NFATC2: variants seen among roughly 807,000 people sequenced by gnomAD.
The protein encoded by NFATC2 is nuclear factor of activated T cells 2, also known as nuclear factor of activated T-cells, cytoplasmic 2.
Under a neutral mutation model 87.3 loss-of-function variants are expected in NFATC2, and 22 were observed. The observed-to-expected ratio is 0.25, with a 90% CI of 0.18 to 0.36. The LOEUF (loss-of-function observed/expected upper bound fraction) is 0.36. Ranked by LOEUF, NFATC2 falls within the 10% of genes least tolerant of loss-of-function variation. The pLI is 1.00. For missense variants in NFATC2, 1,149 were observed against 1,259.1 expected (o/e 0.91, Z 1.32); for synonymous variants, 565 against 542.2 (o/e 1.04, Z -0.58).
chr20:51,453,816 C>T (rs1986086892), intron 6 of NFATC2, among the ~76,000 whole-genome samples: 1 of 152,158 alleles, frequency 6.6e-6, no homozygotes, highest in South Asian at 2.1e-4. Context: ...ATGATGGCAA[C>T]TTCAATTTGT....
chr20:51,550,592 AAAT>A (rs74175559), intron 1 of NFATC2, among the ~76,000 whole-genome samples: 15 of 151,614 alleles, frequency 9.9e-5, no homozygotes, highest in African/African-American at 1.9e-4. Flanking sequence ...ACTCCATCTC[AAAT>A]AATAATAATA....
intron 9 of NFATC2, among the ~76,000 whole-genome samples, chr20:51,418,951 A>ACCCCCCC (rs138137281): frequency 2.8e-4 from 41 of 145,820 alleles, no homozygotes; most frequent in East Asian, 1.1e-3. Flanking sequence ...GGCGTGAGCC[A>ACCCCCCC]CCCCCACCGC....
intron 10 of NFATC2, among the ~76,000 whole-genome samples, chr20:51,393,922 A>G (rs191627012): frequency 0.012 from 1,751 of 152,208 alleles, 21 homozygotes; most frequent in Non-Finnish European, 0.019. Flanking sequence ...AAGTAGGGAA[A>G]CTTTTCAAAC....
chr20:51,542,633 C>A lies in NFATC2; in HGVS notation c.-134G>T. The A allele has an allele frequency of 8.4e-7, 1 of 1,188,876 alleles. No homozygotes were observed. Among genetic ancestry groups the A allele is most frequent in the South Asian group, 4.1e-5 (1 of 24,236 alleles). The allele number at this position is 1,188,876 out of a possible 1,614,324, so 73.6% of individuals were successfully genotyped here. A position where few individuals can be genotyped will look rare whatever the true frequency, so the allele number is the denominator to read the frequency against. On this transcript the variant is annotated 5_prime_UTR_variant, in exon 1 of 11. Coordinates refer to ENST00000371564, the MANE Select transcript of NFATC2 (RefSeq NM_012340.5). ...TTCCTCGTAGGGACGCACGCCGGGT[C>A]CGGGGACGGCGCGCCTGGCGCAGCG...
chr20:51,550,017 T>C (rs2076920046), intron 1 of NFATC2, among the ~76,000 whole-genome samples: 3 of 152,236 alleles, frequency 2.0e-5, no homozygotes, highest in African/African-American at 7.2e-5. Flanking sequence ...TATCCCAATA[T>C]ACCCATGATA....
At chr20:51,449,014 T>C (rs562437149) in intron 6 of NFATC2, among the ~76,000 whole-genome samples, 1 of 152,172 alleles carries the variant, frequency 6.6e-6, no homozygotes, top group Admixed American at 6.6e-5. Context: ...CTTGCTGGAG[T>C]GGAAACTGCC....
chr20:51,519,590 T>G (rs2146703817), intron 2 of NFATC2, among the ~76,000 whole-genome samples: 1 of 150,142 alleles, frequency 6.7e-6, no homozygotes, highest in East Asian at 2.0e-4. Flanking sequence ...GCTACTGTAC[T>G]CCAGCCTCGG....
chr20:51,489,025 A>G (rs184303430), intron 3 of NFATC2, among the ~76,000 whole-genome samples: 32 of 152,334 alleles, frequency 2.1e-4, no homozygotes, highest in Admixed American at 4.6e-4. Context: ...CCCCGTCTCT[A>G]CTAAACATAC....
At chr20:51,403,623 T>TG (rs1465491997) in intron 9 of NFATC2, among the ~76,000 whole-genome samples, 1 of 152,138 alleles carries the variant, frequency 6.6e-6, no homozygotes, top group Admixed American at 6.5e-5. Context: ...GGTGCAGTCA[T>TG]GAAGGTGGGG....
intron 3 of NFATC2, among the ~76,000 whole-genome samples, chr20:51,491,195 T>G: frequency 6.6e-6 from 1 of 152,176 alleles, no homozygotes; most frequent in East Asian, 1.9e-4. Flanking sequence ...TTTTTAACCT[T>G]TTTTTGCACC....
intron 3 of NFATC2, among the ~76,000 whole-genome samples, chr20:51,498,073 C>T (rs998817573): frequency 1.4e-4 from 22 of 152,184 alleles, no homozygotes; most frequent in African/African-American, 4.1e-4. Context: ...TGGCCTCAAG[C>T]GAGCCCAATT....
chr20:51,463,978 C>T (rs1987410732), intron 5 of NFATC2, among the ~76,000 whole-genome samples: 1 of 147,116 alleles, frequency 6.8e-6, no homozygotes, highest in South Asian at 2.1e-4. Flanking sequence ...ATCCTGGGCT[C>T]TCCAAAAAAA....
chr20:51,540,654 TTTTG>T lies in NFATC2; in HGVS notation c.130+1712_130+1715del, dbSNP rs1323101783. Among the ~76,000 whole-genome samples, 187 of 131,158 alleles carry T rather than the reference TTTTG, an allele frequency of 1.4e-3. 13 individuals carry two copies. Among genetic ancestry groups the T allele is most frequent in the African/African-American group, 5.1e-3 (166 of 32,408 alleles). 86.0% of individuals were successfully genotyped at this position (131,158 alleles called of 152,430 possible). A position where few individuals can be genotyped will look rare whatever the true frequency, so the allele number is the denominator to read the frequency against. On this transcript the variant is annotated intron_variant, in intron 1 of 10. Coordinates refer to ENST00000371564, the MANE Select transcript of NFATC2 (RefSeq NM_012340.5). ...ACTGTTCCAAAAACTGAAGTTTTTT[TTTTG>T]TTTTTTTTTTTTTGAGAAAACAGAT...
intron 5 of NFATC2, among the ~76,000 whole-genome samples, chr20:51,463,781 T>C (rs923097234): frequency 2.0e-5 from 3 of 152,142 alleles, no homozygotes; most frequent in African/African-American, 7.2e-5. Context: ...TTCGAACAAA[T>C]GAACTGAGCA....
intron 6 of NFATC2, among the ~76,000 whole-genome samples, chr20:51,438,768 C>T (rs1241669440): frequency 2.0e-5 from 3 of 152,214 alleles, no homozygotes; most frequent in Non-Finnish European, 4.4e-5. Flanking sequence ...CATAGAATTC[C>T]AGCACACAGG....
At chr20:51,548,823 G>A (rs2076909951) in intron 1 of NFATC2, among the ~76,000 whole-genome samples, 1 of 152,214 alleles carries the variant, frequency 6.6e-6, no homozygotes, top group Admixed American at 6.5e-5. Context: ...AGAACCCAAA[G>A]TCCCTTCTTT....
upstream of NFATC2, among the ~76,000 whole-genome samples, chr20:51,546,164 CT>C (rs1484248586): frequency 6.6e-6 from 1 of 152,196 alleles, no homozygotes; most frequent in Non-Finnish European, 1.5e-5. Flanking sequence ...TCAGGACAGT[CT>C]AACTGCCTTT....
chr20:51,450,331 T>C (rs1035128221), intron 6 of NFATC2, among the ~76,000 whole-genome samples: 1 of 152,136 alleles, frequency 6.6e-6, no homozygotes, highest in African/African-American at 2.4e-5. Flanking sequence ...ATCAACTGAA[T>C]GATGACTATG....
chr20:51,483,829 G>C (rs1989482085), intron 3 of NFATC2, among the ~76,000 whole-genome samples: 1 of 151,884 alleles, frequency 6.6e-6, no homozygotes, highest in South Asian at 2.1e-4. Context: ...TGCCACCTGT[G>C]ACTCTCCATC....
Sources: gnomAD v4.1 joint callset for allele counts (sites outside exome capture counted in the v4.1 genomes callset) on GRCh38, gnomAD v4.1.1 for gene constraint, MANE v1.5 for transcripts, NCBI Gene and HGNC (gene_info 2026-07-23, HGNC 2026-07-21) for gene names.